The following PTPRT variants were observed in gnomAD, a reference collection of about 807,000 sequenced individuals.
PTPRT encodes the protein receptor-type tyrosine-protein phosphatase T.
A neutral mutation model predicts 176.8 loss-of-function variants in PTPRT; 56 were observed. The observed-to-expected ratio is 0.32, with a 90% CI of 0.26 to 0.40. PTPRT has a LOEUF of 0.40. PTPRT is among the 10% of genes least tolerant of loss of function. PTPRT has a pLI of 1.00. For missense variants in PTPRT, 1,540 were observed against 1,908.2 expected (o/e 0.81, Z 3.60); for synonymous variants, 783 against 739.0 (o/e 1.06, Z -0.96).
intron 13 of PTPRT, among the ~76,000 whole-genome samples, chr20:42,274,536 AGTGTGTGTGTGTGTGTGTGTGTGT>A (rs529883269): frequency 7.9e-5 from 9 of 113,290 alleles, no homozygotes; most frequent in East Asian, 2.7e-4. Flanking sequence ...GGCCCTGTAC[AGTGTGTGTGTGTGTGTGTGTGTGT>A]GTGTGTGTGT....
rs117637533 is a variant in PTPRT at position 42,334,866 on chromosome 20, C to T, written c.1865+15762G>A. ...TGCAATAGACAATAATGTAAGTGAACTTCTAGTTAAAAGCGGAAGAATTAA... is the reference window on the plus strand; with the variant it reads ...TGCAATAGACAATAATGTAAGTGAATTTCTAGTTAAAAGCGGAAGAATTAA... On this transcript the variant is annotated intron_variant, in intron 11 of 30. Transcript: ENST00000373187. 7.9e-3 allele frequency among the ~76,000 whole-genome samples: 1,206 copies of T among 152,278 alleles called. 10 individuals carry two copies. Among genetic ancestry groups the T allele is most frequent in the Admixed American group, 0.011 (166 of 15,306 alleles).
chr20:42,494,419 C>T (rs967039372), intron 7 of PTPRT, among the ~76,000 whole-genome samples: 11 of 151,974 alleles, frequency 7.2e-5, no homozygotes, highest in East Asian at 3.9e-4. Context: ...TAGCGGAGGA[C>T]GGTGGGTGAG....
At chr20:42,248,415 G>A (rs573501276) in intron 14 of PTPRT, among the ~76,000 whole-genome samples, 5 of 152,140 alleles carry the variant, frequency 3.3e-5, no homozygotes, top group South Asian at 2.1e-4. Flanking sequence ...TTCATGATAC[G>A]TGGAATCCCA....
chr20:42,293,924 C>A (rs2057352202), intron 12 of PTPRT, among the ~76,000 whole-genome samples: 1 of 151,932 alleles, frequency 6.6e-6, no homozygotes, highest in South Asian at 2.1e-4. Context: ...CTATTTAACA[C>A]CAAATTTTCC....
chr20:42,190,603 G>C (rs1363905982), intron 16 of PTPRT, among the ~76,000 whole-genome samples: 1 of 152,156 alleles, frequency 6.6e-6, no homozygotes, highest in African/African-American at 2.4e-5. Context: ...CACCTGGAAG[G>C]CTTGTTAAAA....
intron 1 of PTPRT, among the ~76,000 whole-genome samples, chr20:43,051,975 T>A (rs1040505012): frequency 6.6e-6 from 1 of 152,216 alleles, no homozygotes; most frequent in African/African-American, 2.4e-5. Flanking sequence ...TAATTTTGAT[T>A]TTATATTTTA....
chr20:42,235,468 C>T (rs2146854766), intron 15 of PTPRT, among the ~76,000 whole-genome samples: 1 of 152,162 alleles, frequency 6.6e-6, no homozygotes, highest in African/African-American at 2.4e-5. Context: ...ACCATGTTGG[C>T]CAGGCTGGTC....
chr20:42,635,922 A>G (rs1168701962), intron 7 of PTPRT, among the ~76,000 whole-genome samples: 1 of 152,178 alleles, frequency 6.6e-6, no homozygotes, highest in Non-Finnish European at 1.5e-5. Flanking sequence ...ACTTGCATAC[A>G]GTGTAGTTAT....
chr20:42,357,721 C>A lies in PTPRT; in HGVS notation c.1561-5436G>T, dbSNP rs368932786. On this transcript the variant is annotated intron_variant, in intron 9 of 30. Coordinates refer to ENST00000373187, the MANE Select transcript of PTPRT (RefSeq NM_007050.6). ...CCTAGGAGTTTAAGAGCAGCCTGGG[C>A]AAAACAGCGAGACCCCATCTCTACA... Among the ~76,000 whole-genome samples the A allele has an allele frequency of 2.4e-3, 365 of 150,240 alleles. 3 individuals are homozygous for A. Among genetic ancestry groups the A allele is most frequent in the African/African-American group, 8.4e-3 (345 of 40,838 alleles).
chr20:42,381,695 A>C (rs1034036243), intron 9 of PTPRT, among the ~76,000 whole-genome samples: 1 of 152,238 alleles, frequency 6.6e-6, no homozygotes, highest in East Asian at 1.9e-4. Context: ...TGGGGGAAGA[A>C]GGGAAGGGAG....
chr20:42,094,629 C>G (rs568682636), intron 27 of PTPRT, among the ~76,000 whole-genome samples: 6 of 152,186 alleles, frequency 3.9e-5, no homozygotes, highest in African/African-American at 1.4e-4. Context: ...GTGGCTCATG[C>G]CTATAACCCC....
intron 7 of PTPRT, among the ~76,000 whole-genome samples, chr20:42,579,748 TGG>T (rs901954389): frequency 3.3e-5 from 5 of 152,214 alleles, no homozygotes; most frequent in African/African-American, 9.7e-5. Context: ...CACTTGTTGA[TGG>T]GGTTGTTTGT....
At chr20:43,079,398 A>T in intron 1 of PTPRT, among the ~76,000 whole-genome samples, 1 of 152,112 alleles carries the variant, frequency 6.6e-6, no homozygotes. Context: ...TTTTCCTTCA[A>T]TACAAATGTT....
chr20:42,108,606 G>GA (rs1325270360), intron 23 of PTPRT, among the ~76,000 whole-genome samples: 1 of 152,130 alleles, frequency 6.6e-6, no homozygotes, highest in African/African-American at 2.4e-5. Context: ...AATATTTATT[G>GA]AAAATCTAAG....
At chr20:42,568,749 T>C in intron 7 of PTPRT, among the ~76,000 whole-genome samples, 1 of 152,028 alleles carries the variant, frequency 6.6e-6, no homozygotes, top group East Asian at 1.9e-4. Flanking sequence ...TGGATTCATC[T>C]GGGAATAAGA....
At chr20:42,390,182 C>A (rs2058787683) in intron 9 of PTPRT, among the ~76,000 whole-genome samples, 7 of 151,816 alleles carry the variant, frequency 4.6e-5, no homozygotes, top group Admixed American at 4.6e-4. Flanking sequence ...CCTGTCACTA[C>A]AAAAAATTAA....
the PTPRT span, among the ~76,000 whole-genome samples, chr20:42,045,656 T>TC: frequency 2.5e-5 from 1 of 40,664 alleles, no homozygotes; most frequent in African/African-American, 5.6e-5. Context: ...TGGAAAGTCC[T>TC]TTTTTTTTTC....
chr20:42,138,525 G>C (rs1465939711), intron 18 of PTPRT, among the ~76,000 whole-genome samples: 1 of 152,156 alleles, frequency 6.6e-6, no homozygotes, highest in Non-Finnish European at 1.5e-5. Flanking sequence ...ATCCCAGAAG[G>C]GGGCCTCATT....
chr20:42,211,315 G>A (rs1287680576), intron 15 of PTPRT, among the ~76,000 whole-genome samples: 2 of 151,148 alleles, frequency 1.3e-5, no homozygotes, highest in African/African-American at 4.9e-5. Context: ...TTAAACTAAA[G>A]AGCTTCTGCA....
Sources: allele counts gnomAD v4.1 joint callset (sites outside exome capture counted in the v4.1 genomes callset), GRCh38; gene constraint gnomAD v4.1.1; transcripts MANE v1.5; gene names NCBI Gene and HGNC (gene_info 2026-07-23, HGNC 2026-07-21).